Variants in BRMS1L observed in about 807,000 individuals in gnomAD.
BRMS1L encodes the protein breast cancer metastasis-suppressor 1-like protein.
A neutral mutation model predicts 50.3 loss-of-function variants in BRMS1L; 23 were observed. The observed-to-expected ratio is 0.46, with a 90% CI of 0.33 to 0.65. BRMS1L has a LOEUF of 0.65. Ranked by LOEUF, BRMS1L falls within the 30% of genes least tolerant of loss-of-function variation. The probability of loss-of-function intolerance (pLI) is 0.02; values close to 1 mark genes in which losing one functional copy is unlikely to be tolerated. For synonymous variants in BRMS1L, 114 were observed against 126.9 expected, an observed-to-expected ratio of 0.90 and a Z score of 0.69; for missense variants, 286 against 386.1, an observed-to-expected ratio of 0.74 and a Z score of 2.17.
intron 2 of BRMS1L, 43 bp downstream of exon 2, chr14:35,831,543 C>A: frequency 7.1e-7 from 1 of 1,407,710 alleles, no homozygotes; most frequent in Non-Finnish European, 1.0e-6. Context: ...GAATCTCAAC[C>A]TTGTCACTTG....
In BRMS1L at chr14:35,835,221, G is replaced by C. The variant is rs573755499; in HGVS notation, c.441+298G>C. ...ATTACTGAAAATATTAGTATAATTA[G>C]TATAATGTGGATTAGATTTGCGAAA... On this transcript the variant is annotated intron_variant, in intron 4 of 9. Transcript: ENST00000216807. Among the ~76,000 whole-genome samples the C allele has an allele frequency of 2.0e-5, 3 of 152,284 alleles. No individual in the cohort carries two copies. The East Asian group carries it at 5.8e-4, about 29-fold the overall frequency.
intron 4 of BRMS1L, among the ~76,000 whole-genome samples, chr14:35,849,913 G>A (rs563085963): frequency 3.3e-5 from 5 of 151,334 alleles, no homozygotes; most frequent in Admixed American, 2.6e-4. Context: ...TCTGTCTCCC[G>A]GGATCAAGCG....
chr14:35,826,873 C>T (rs1012995015), intron 1 of BRMS1L: 7 of 636,770 alleles, frequency 1.1e-5, no homozygotes, highest in Non-Finnish European at 1.8e-5. Flanking sequence ...CGGGCCTGGG[C>T]TTGTCCAGCT....
At chr14:35,841,399 C>T (rs532984681) in intron 4 of BRMS1L, among the ~76,000 whole-genome samples, 16 of 152,004 alleles carry the variant, frequency 1.1e-4, no homozygotes, top group East Asian at 1.9e-4. Context: ...CCTGGGTTCA[C>T]GCCATTCTCC....
At chr14:35,828,005 G>A (rs191551238) in intron 1 of BRMS1L, among the ~76,000 whole-genome samples, 2 of 152,244 alleles carry the variant, frequency 1.3e-5, no homozygotes, top group Admixed American at 1.3e-4. Context: ...ATAGATGTGA[G>A]TGATTTCAAA....
In BRMS1L at chr14:35,870,490, T is replaced by G. The variant is rs2078477535; in HGVS notation, c.*13T>G. On this transcript the variant is annotated 3_prime_UTR_variant, in exon 10 of 10. Coordinates refer to ENST00000216807, the MANE Select transcript of BRMS1L (RefSeq NM_032352.4). ...TAAACATTCATAATCATGATTTAAG[T>G]GTTATCTAAATTTACCTTATTAGTG... 2.0e-6 allele frequency: 3 copies of G among 1,523,298 alleles called. No homozygotes were observed. The highest frequency in any genetic ancestry group is 2.7e-6 in the Non-Finnish European group (3 of 1,106,060). The allele number at this position is 1,523,298 out of a possible 1,614,324, so 94.4% of individuals were successfully genotyped here. A position where few individuals can be genotyped will look rare whatever the true frequency, so the allele number is the denominator to read the frequency against.
chr14:35,867,050 A>G (rs1271758815), intron 8 of BRMS1L, among the ~76,000 whole-genome samples: 1 of 152,146 alleles, frequency 6.6e-6, no homozygotes, highest in African/African-American at 2.4e-5. Flanking sequence ...TTTCCCCAGC[A>G]TACTTCCTTG....
Position 35,826,361 on chromosome 14 carries a change from G to A in BRMS1L, c.-156G>A, listed in dbSNP as rs1424684389. 2 of 1,101,044 alleles carry A rather than the reference G, an allele frequency of 1.8e-6. No homozygotes were observed. The highest frequency in any genetic ancestry group is 2.6e-6 in the Non-Finnish European group (2 of 778,768). The allele number at this position is 1,101,044 out of a possible 1,614,324, so 68.2% of individuals were successfully genotyped here. A position where few individuals can be genotyped will look rare whatever the true frequency, so the allele number is the denominator to read the frequency against. On this transcript the variant is annotated 5_prime_UTR_variant, in exon 1 of 10. Transcript: ENST00000216807. The stretch of plus-strand genomic sequence containing the variant: ...GCAGAGCTCCCATCGCAGAGCCTGC[G>A]GGTTAGGTTGTGAGGCCCGGGCCGG...
intron 1 of BRMS1L, among the ~76,000 whole-genome samples, chr14:35,828,708 G>A (rs930226446): frequency 3.3e-5 from 5 of 151,506 alleles, no homozygotes; most frequent in Non-Finnish European, 7.4e-5. Flanking sequence ...TGCCTGCCTC[G>A]GCCTCCCCAA....
chr14:35,841,821 C>A (rs2078067967), intron 4 of BRMS1L, among the ~76,000 whole-genome samples: 1 of 152,108 alleles, frequency 6.6e-6, no homozygotes, highest in African/African-American at 2.4e-5. Flanking sequence ...CTTTGTAGGT[C>A]TCTAAGAGCT....
chr14:35,840,532 T>C (rs982677923), intron 4 of BRMS1L, among the ~76,000 whole-genome samples: 3 of 152,208 alleles, frequency 2.0e-5, no homozygotes, highest in Non-Finnish European at 4.4e-5. Flanking sequence ...TATTAATTAG[T>C]GCATCAGTTT....
Position 35,849,914 on chromosome 14 carries a change from G to C in BRMS1L, c.442-12676G>C, listed in dbSNP as rs893501078. Among the ~76,000 whole-genome samples the C allele has an allele frequency of 2.9e-4, 44 of 151,772 alleles. 1 individual carries two copies. Among genetic ancestry groups the C allele is most frequent in the Non-Finnish European group, 7.4e-5 (5 of 67,920 alleles). ...GGCTCACTGCAACTTCTGTCTCCCG[G>C]GATCAAGCGATTCTCGTGCCCCAGC... On this transcript the variant is annotated intron_variant, in intron 4 of 9. Coordinates refer to ENST00000216807, the MANE Select transcript of BRMS1L (RefSeq NM_032352.4).
chr14:35,863,705 G>C lies in BRMS1L; in HGVS notation c.539-165G>C, dbSNP rs79995717. On this transcript the variant is annotated intron_variant, in intron 5 of 9. Transcript: ENST00000216807. ...TAAAGGCAGAGCAAAACTTAAACAC[G>C]TAGTGCTCATGAAATTATGTACAGC... 7.9e-4 allele frequency among the ~76,000 whole-genome samples: 121 copies of C among 152,278 alleles called. No individual in the cohort carries two copies. In the East Asian group the frequency reaches 0.02, roughly 25 times the overall value.
chr14:35,868,176 C>T (rs1411056844), intron 9 of BRMS1L, 144 bp downstream of exon 9: 1 of 689,018 alleles, frequency 1.5e-6, no homozygotes, highest in Admixed American at 3.3e-5. Context: ...GGCTTGATTA[C>T]ATGTGTGTAC....
At chr14:35,828,281 T>C (rs1388952385) in intron 1 of BRMS1L, among the ~76,000 whole-genome samples, 2 of 151,678 alleles carry the variant, frequency 1.3e-5, no homozygotes, top group African/African-American at 2.4e-5. Flanking sequence ...CAAGCAATTC[T>C]CCTGCCTTAG....
At chr14:35,852,335 A>T (rs1010562912) in intron 4 of BRMS1L, among the ~76,000 whole-genome samples, 1 of 152,220 alleles carries the variant, frequency 6.6e-6, no homozygotes, top group African/African-American at 2.4e-5. Flanking sequence ...TCTTCTAAGT[A>T]TAATAGTTGG....
At chr14:35,860,750 G>A (rs989722054) in intron 4 of BRMS1L, among the ~76,000 whole-genome samples, 2 of 152,120 alleles carry the variant, frequency 1.3e-5, no homozygotes, top group African/African-American at 2.4e-5. Flanking sequence ...GTGTGAGGTC[G>A]GTACAATAAT....
intron 4 of BRMS1L, among the ~76,000 whole-genome samples, chr14:35,853,301 G>A (rs1384125373): frequency 6.6e-6 from 1 of 151,238 alleles, no homozygotes; most frequent in Non-Finnish European, 1.5e-5. Context: ...ATATCTTGAT[G>A]ATTTTTTAAA....
At chr14:35,855,072 A>G (rs112005321) in intron 4 of BRMS1L, among the ~76,000 whole-genome samples, 158 of 152,282 alleles carry the variant, frequency 1.0e-3, no homozygotes, top group African/African-American at 3.6e-3. Flanking sequence ...TTGTGCAGAG[A>G]TCCCAGTTCC....
Sources: allele counts gnomAD v4.1 joint callset (sites outside exome capture counted in the v4.1 genomes callset), GRCh38; gene constraint gnomAD v4.1.1; transcripts MANE v1.5; gene names NCBI Gene and HGNC (gene_info 2026-07-23, HGNC 2026-07-21).